HIPK4: variants seen among roughly 807,000 people sequenced by gnomAD.
HIPK4 encodes homeodomain interacting protein kinase 4.
Under a neutral mutation model 44.8 loss-of-function variants are expected in HIPK4, and 26 were observed. The observed-to-expected ratio is 0.58, with a 90% CI of 0.43 to 0.80. The LOEUF is 0.80. Among genes scored for constraint, HIPK4 ranks in the 30% least tolerant of loss-of-function variants. HIPK4 has a pLI of 0.00. For synonymous variants in HIPK4, 340 were observed against 355.5 expected, an observed-to-expected ratio of 0.96 and a Z score of 0.49; for missense variants, 729 against 862.6, an observed-to-expected ratio of 0.85 and a Z score of 1.94.
chr19:40,386,882 G>T (rs2079365784), intron 1 of HIPK4, among the ~76,000 whole-genome samples: 1 of 151,178 alleles, frequency 6.6e-6, no homozygotes, highest in East Asian at 2.0e-4. Context: ...TGAGACAGTG[G>T]CTCACCCTGT....
At chr19:40,381,613 C>T (rs1027413408) in intron 2 of HIPK4, among the ~76,000 whole-genome samples, 3 of 152,028 alleles carry the variant, frequency 2.0e-5, no homozygotes, top group Non-Finnish European at 4.4e-5. Context: ...CACCTGTGGT[C>T]CCATCCAGAC....
chr19:40,379,797 C>A (rs1403947388), intron 3 of HIPK4, 28 bp from the exon 4 acceptor site: 3 of 1,598,996 alleles, frequency 1.9e-6, no homozygotes, highest in African/African-American at 2.7e-5. Context: ...GGGGCATCAG[C>A]CAAGCAGTGT....
rs753852569 is a variant in HIPK4 at position 40,384,077 on chromosome 19, G to A, written c.528C>T (p.Ile176=). Residue 176 remains isoleucine (I), a synonymous_variant, in exon 2 of 4, where the codon ATC becomes ATT. Transcript: ENST00000291823. Reference sequence around the variant, plus strand: ...CAGGGGCCCGGTAGAAGCGCGACTGGATGTATGGCTCCTTCACGTAGCGCA... The same window carrying A: ...CAGGGGCCCGGTAGAAGCGCGACTGAATGTATGGCTCCTTCACGTAGCGCA... ...SEVRYVKEPY[I]QSRFYRAPEI... 2.5e-6 allele frequency: 4 copies of A among 1,611,970 alleles called. No individual in the cohort carries two copies. The highest frequency in any genetic ancestry group is 1.1e-5 in the South Asian group (1 of 90,900).
chr19:40,389,891 G>C lies in HIPK4; in HGVS notation c.12C>G (p.Ile4Met). MST[I>M]QSETDCYDII... ...TGTCGTAGCAGTCAGTCTCCGACTG[G>C]ATGGTGGACATGGTGCCGCTGCTGC... is the stretch of plus-strand genomic sequence containing the variant. Residue 4 changes from isoleucine to methionine, a missense_variant, in exon 1 of 4, where the codon ATC becomes ATG. By Grantham distance (10) the Ile-to-Met change is conservative (BLOSUM62 1). This residue lies in a region of HIPK4 where 196 missense variants were observed against 295.1 expected (regional missense o/e 0.66). Transcript: ENST00000291823. This position sits in a 1 kb window ranked among gnomAD's most constrained non-coding sequence, Gnocchi z 4.6. 1 of 1,606,724 alleles carries C rather than the reference G, an allele frequency of 6.2e-7. No homozygotes were observed. The highest frequency in any genetic ancestry group is 1.1e-5 in the South Asian group (1 of 91,050).
rs745473915 is a variant in HIPK4 at position 40,384,128 on chromosome 19, G to A, written c.477C>T (p.Phe159=). 13 of 1,579,628 alleles carry A rather than the reference G, an allele frequency of 8.2e-6. No homozygotes were observed. The highest frequency in any genetic ancestry group is 1.0e-5 in the Non-Finnish European group (12 of 1,157,566). The part of the protein sequence containing the change: ...RCPFRVKVID[F]GSASIFSEVR... ...CCTCGCTGAAAATGCTGGCGGATCC[G>A]AAGTCAATCACCTGTCGGGGGTGGG... Residue 159 remains phenylalanine, a synonymous_variant, in exon 2 of 4, where the codon TTC becomes TTT. Coordinates refer to ENST00000291823, the MANE Select transcript of HIPK4 (RefSeq NM_144685.5).
chr19:40,389,393 G>A lies in HIPK4; in HGVS notation c.465+45C>T. Reference sequence around the variant, plus strand: ...TAGGGCTGGAAGAAGCTGGGAAAAAGACAAGGAACTAGGGACGCAGCCACC... The same window carrying A: ...TAGGGCTGGAAGAAGCTGGGAAAAAAACAAGGAACTAGGGACGCAGCCACC... On this transcript the variant is annotated intron_variant, in intron 1 of 3. Transcript: ENST00000291823. This position sits in a 1 kb window ranked among gnomAD's most constrained non-coding sequence, Gnocchi z 4.6. The A allele has an allele frequency of 9.1e-7, 1 of 1,103,242 alleles. No individual in the cohort carries two copies. 68.3% of individuals were successfully genotyped at this position (1,103,242 alleles called of 1,614,324 possible).
Position 40,380,390 on chromosome 19 carries a change from T to A in HIPK4, c.1601A>T (p.Glu534Val), listed in dbSNP as rs1215837295. ...EEGEHLGASA[E>V]PLAILQRDED... is the part of the protein sequence containing the mutation. Reference sequence around the variant, plus strand: ...ATCTCGCTGCAGGATGGCCAGTGGCTCAGCAGAGGCCCCGAGATGCTCTCC... The same window carrying A: ...ATCTCGCTGCAGGATGGCCAGTGGCACAGCAGAGGCCCCGAGATGCTCTCC... Residue 534 changes from glutamate (E) to valine (V), a missense_variant, in exon 3 of 4, where the codon GAG becomes GTG. Glu to Val is a moderately radical substitution (Grantham distance 121). Around this residue, in one of 2 missense-constraint regions of HIPK4, gnomAD observed 533 missense variants for 567.5 expected, o/e 0.94. Coordinates refer to ENST00000291823, the MANE Select transcript of HIPK4 (RefSeq NM_144685.5). The surrounding 1 kb of genome is among the most constrained non-coding windows in gnomAD (Gnocchi z 4.2). 5.0e-6 allele frequency: 8 copies of A among 1,614,086 alleles called. No individual in the cohort carries two copies. Among genetic ancestry groups the A allele is most frequent in the African/African-American group, 2.7e-5 (2 of 74,926 alleles).
At position 40,389,695 on chromosome 19, in the gene HIPK4, C is replaced by T. The variant is rs760901221; in HGVS notation, c.208G>A (p.Ala70Thr). ...HCMRGLDPEE[A>T]HVIRFLEFFH... The stretch of plus-strand genomic sequence containing the variant: ...AACTCAAGGAAGCGGATGACGTGGG[C>T]CTCTTCAGGGTCTAGGCCTCGCATG... The change falls in exon 1 of 4, where the codon GCC (alanine) becomes ACC (threonine). Residue 70 changes from alanine (A) to threonine (T), a missense_variant. Around this residue, in one of 2 missense-constraint regions of HIPK4, gnomAD observed 196 missense variants for 295.1 expected, o/e 0.66. Transcript: ENST00000291823. This position sits in a 1 kb window ranked among gnomAD's most constrained non-coding sequence, Gnocchi z 4.6. 6.2e-7 allele frequency: 1 copy of T among 1,614,060 alleles called. No homozygotes were observed. The highest frequency in any genetic ancestry group is 8.5e-7 in the Non-Finnish European group (1 of 1,180,042).
intron 1 of HIPK4, among the ~76,000 whole-genome samples, chr19:40,387,946 C>T (rs556427524): frequency 6.8e-6 from 1 of 147,694 alleles, no homozygotes; most frequent in Admixed American, 6.8e-5. Flanking sequence ...AGTGAGTCTC[C>T]TGCCTCTGCC....
Position 40,380,565 on chromosome 19 carries a change from C to G in HIPK4, c.1426G>C (p.Ala476Pro), listed in dbSNP as rs1415107108. Residue 476 changes from alanine to proline, a missense_variant, in exon 3 of 4, where the codon GCC (alanine) becomes CCC (proline). By Grantham distance (27) the Ala-to-Pro change is conservative (BLOSUM62 -1). This residue lies in a region of HIPK4 where 533 missense variants were observed against 567.5 expected (regional missense o/e 0.94). Transcript: ENST00000291823. The surrounding 1 kb of genome is among the most constrained non-coding windows in gnomAD (Gnocchi z 4.2). ...CCTGCCAGGCGGCTGCTGTAGAAGG[C>G]CAGGATGGGCTCAGGGCCCGAGTCG... The part of the protein sequence containing the change: ...VPDSGPEPIL[A>P]FYSSRLAGRH... 9 of 1,612,424 alleles carry G rather than the reference C, an allele frequency of 5.6e-6. No homozygotes were observed. Among genetic ancestry groups the G allele is most frequent in the East Asian group, 2.2e-5 (1 of 44,880 alleles).
In HIPK4 at chr19:40,379,326, A is replaced by C. The variant is rs918018717; in HGVS notation, c.*261T>G. The C allele has an allele frequency of 2.0e-6, 1 of 490,052 alleles. No homozygotes were observed. The allele number at this position is 490,052 out of a possible 1,614,324, so 30.4% of individuals were successfully genotyped here. ...AGGCAGCAGGGCCAAGGGCGAGCGCAGGGCCAGCGGGGTGCAGCCCCCTTT... is the reference window on the plus strand; with the variant it reads ...AGGCAGCAGGGCCAAGGGCGAGCGCCGGGCCAGCGGGGTGCAGCCCCCTTT... On this transcript the variant is annotated 3_prime_UTR_variant, in exon 4 of 4. Transcript: ENST00000291823.
Position 40,384,040 on chromosome 19 carries a change from C to A in HIPK4, c.565G>T (p.Gly189Trp), listed in dbSNP as rs1241260301. The A allele has an allele frequency of 6.2e-7, 1 of 1,613,976 alleles. No individual in the cohort carries two copies. The highest frequency in any genetic ancestry group is 8.5e-7 in the Non-Finnish European group (1 of 1,179,868). ...RFYRAPEILL[G>W]LPFCEKVDVW... ...TCCACCTTCTCGCAGAAGGGCAGCC[C>A]CAGCAGGATCTCAGGGGCCCGGTAG... The change falls in exon 2 of 4, where the codon GGG becomes TGG. Residue 189 changes from glycine to tryptophan, a missense_variant. Physicochemically the swap from Gly to Trp is radical, Grantham distance 184. Transcript: ENST00000291823.
At chr19:40,381,784 C>CTTTTTTTTTTTTT (rs55780075) in intron 2 of HIPK4, among the ~76,000 whole-genome samples, 9 of 72,330 alleles carry the variant, frequency 1.2e-4, no homozygotes, top group East Asian at 3.9e-4. Flanking sequence ...CACTCAGATC[C>CTTTTTTTTTTTTT]TTTTTTTTTT....
intron 1 of HIPK4, among the ~76,000 whole-genome samples, chr19:40,388,716 C>T (rs931518288): frequency 6.6e-6 from 1 of 152,216 alleles, no homozygotes; most frequent in Non-Finnish European, 1.5e-5. Context: ...CTCAGGGTGC[C>T]CCTGGTTCAG....
chr19:40,381,142 A>G lies in HIPK4; in HGVS notation c.849T>C (p.Tyr283=). 1.2e-6 allele frequency: 2 copies of G among 1,601,774 alleles called. No homozygotes were observed. Among genetic ancestry groups the G allele is most frequent in the Non-Finnish European group, 1.7e-6 (2 of 1,178,076 alleles). ...CAATCTGGTCCAACGACTTGAGCATATACTTGCGGCGCTCCAATGGGCGCA... is the reference window on the plus strand; with the variant it reads ...CAATCTGGTCCAACGACTTGAGCATGTACTTGCGGCGCTCCAATGGGCGCA... The part of the protein sequence containing the change: ...TKVRPLERRK[Y]MLKSLDQIET... The change falls in exon 3 of 4, where the codon TAT becomes TAC. Residue 283 remains tyrosine, a synonymous_variant. Transcript: ENST00000291823.
At chr19:40,386,848 A>ATC (rs982211545) in intron 1 of HIPK4, among the ~76,000 whole-genome samples, 2 of 151,160 alleles carry the variant, frequency 1.3e-5, no homozygotes, top group Non-Finnish European at 3.0e-5. Context: ...TCTTGCTTGT[A>ATC]TCTCTCTCTC....
chr19:40,383,637 G>T, intron 2 of HIPK4, 146 bp downstream of exon 2: 2 of 682,662 alleles, frequency 2.9e-6, no homozygotes, highest in Non-Finnish European at 5.1e-6. Flanking sequence ...CCCCAGGCTG[G>T]TCTCAAACCC....
chr19:40,387,327 G>A (rs546863412), intron 1 of HIPK4, among the ~76,000 whole-genome samples: 2 of 152,046 alleles, frequency 1.3e-5, no homozygotes. Flanking sequence ...GTTCACACTC[G>A]TCACAGGCCT....
In HIPK4 at chr19:40,389,784, T is replaced by C. The variant is rs1030104437; in HGVS notation, c.119A>G (p.Lys40Arg). The change falls in exon 1 of 4, where the codon AAG (lysine) becomes AGG (arginine). Residue 40 changes from lysine (K) to arginine (R), a missense_variant. This residue lies in a region of HIPK4 where 196 missense variants were observed against 295.1 expected (regional missense o/e 0.66). Transcript: ENST00000291823. This position sits in a 1 kb window ranked among gnomAD's most constrained non-coding sequence, Gnocchi z 4.6. ...GCGGTAGGCGTCATTCTTGAGGATC[T>C]TGATGGCCACCATCTCGCCCGTGCT... is the stretch of plus-strand genomic sequence containing the variant. ...RRSTGEMVAI[K>R]ILKNDAYRNR... 1 of 1,614,056 alleles carries C rather than the reference T, an allele frequency of 6.2e-7. No individual in the cohort carries two copies. Among genetic ancestry groups the C allele is most frequent in the Non-Finnish European group, 8.5e-7 (1 of 1,180,026 alleles).
Sources: allele counts gnomAD v4.1 joint callset (sites outside exome capture counted in the v4.1 genomes callset), GRCh38; gene constraint gnomAD v4.1.1; regional missense constraint gnomAD v4.1.1; non-coding constraint Gnocchi (gnomAD v3.1); transcripts MANE v1.5; gene names NCBI Gene and HGNC (gene_info 2026-07-23, HGNC 2026-07-21).